Variants in ASIC2 observed in about 807,000 individuals in gnomAD.
ASIC2 encodes acid-sensing ion channel 2.
A neutral mutation model predicts 57.3 loss-of-function variants in ASIC2; 25 were observed. That is an observed-to-expected ratio of 0.44 (90% CI 0.32 to 0.61). ASIC2 has a LOEUF of 0.61. ASIC2 is among the 20% of genes least tolerant of loss of function. ASIC2 has a pLI of 0.06. For synonymous variants in ASIC2, 319 were observed against 307.5 expected (o/e 1.04, Z -0.39); for missense variants, 641 against 738.1 (o/e 0.87, Z 1.52).
At chr17:33,749,110 C>T (rs1198764072) in intron 1 of ASIC2, among the ~76,000 whole-genome samples, 3 of 152,186 alleles carry the variant, frequency 2.0e-5, no homozygotes, top group Admixed American at 6.5e-5. Context: ...GGTGAAGCAG[C>T]ACCACCTAGG....
chr17:33,537,709 G>T (rs908041499), intron 1 of ASIC2, among the ~76,000 whole-genome samples: 1 of 152,214 alleles, frequency 6.6e-6, no homozygotes, highest in Non-Finnish European at 1.5e-5. Context: ...TGGAAAGTTG[G>T]ATGGGCTGAC....
chr17:33,601,065 A>T (rs1027066664), intron 1 of ASIC2, among the ~76,000 whole-genome samples: 5 of 152,214 alleles, frequency 3.3e-5, no homozygotes, highest in African/African-American at 1.2e-4. Flanking sequence ...CTTACAGTAA[A>T]ATGAGAGAAG....
chr17:34,125,812 G>A (rs549877767), intron 1 of ASIC2, among the ~76,000 whole-genome samples: 1 of 152,318 alleles, frequency 6.6e-6, no homozygotes, highest in Admixed American at 6.5e-5. Context: ...GACATGGTTT[G>A]CGGGTGAGCT....
At chr17:33,905,658 G>T (rs916263198) in intron 1 of ASIC2, among the ~76,000 whole-genome samples, 1 of 152,216 alleles carries the variant, frequency 6.6e-6, no homozygotes, top group Non-Finnish European at 1.5e-5. Flanking sequence ...ATTATCTGCA[G>T]TTGTAAACAG....
intron 1 of ASIC2, among the ~76,000 whole-genome samples, chr17:33,491,555 T>G (rs1054190863): frequency 1.3e-5 from 2 of 152,234 alleles, no homozygotes; most frequent in African/African-American, 4.8e-5. Flanking sequence ...CCAGTGAGTT[T>G]CCTTAATTGC....
At chr17:33,239,257 CTCCAGCCTGGGCAACAGAGTGAGACT>C (rs1432664409) in intron 1 of ASIC2, among the ~76,000 whole-genome samples, 27 of 152,106 alleles carry the variant, frequency 1.8e-4, no homozygotes, top group African/African-American at 6.5e-4. Context: ...CACCACTGCA[CTCCAGCCTGGGCAACAGAGTGAGACT>C]CCGTCTCAAA....
At chr17:33,589,221 A>ACAT (rs1846589681) in intron 1 of ASIC2, among the ~76,000 whole-genome samples, 2 of 152,224 alleles carry the variant, frequency 1.3e-5, no homozygotes, top group South Asian at 2.1e-4. Flanking sequence ...ACAGTTGAGA[A>ACAT]CATTAACAGC....
intron 1 of ASIC2, among the ~76,000 whole-genome samples, chr17:33,407,538 C>T (rs1168329023): frequency 6.6e-5 from 10 of 152,116 alleles, no homozygotes; most frequent in Admixed American, 4.6e-4. Flanking sequence ...CAAGTATGGG[C>T]CTAATTCTCT....
chr17:33,926,265 C>T (rs776789151), intron 1 of ASIC2, among the ~76,000 whole-genome samples: 30 of 152,240 alleles, frequency 2.0e-4, no homozygotes, highest in African/African-American at 7.2e-4. Flanking sequence ...TTCACTTAAT[C>T]CTCACAAAAA....
In ASIC2 at chr17:33,497,267, C is replaced by T. The variant is rs540240680; in HGVS notation, c.556-385200G>A. On this transcript the variant is annotated intron_variant, in intron 1 of 9. Coordinates refer to the ASIC2 transcript ENST00000359872. Reference sequence around the variant, plus strand: ...GGTCAAACCTTCTTGTTCTAGGTCACGAATCCAAGAAAGCCCTTACCTCCC... The same window carrying T: ...GGTCAAACCTTCTTGTTCTAGGTCATGAATCCAAGAAAGCCCTTACCTCCC... 2.8e-4 allele frequency among the ~76,000 whole-genome samples: 43 copies of T among 152,300 alleles called. 2 individuals are homozygous for T. The East Asian group carries it at 3.3e-3, about 12-fold the overall frequency.
At chr17:33,379,981 C>T (rs944935160) in intron 1 of ASIC2, among the ~76,000 whole-genome samples, 6 of 152,126 alleles carry the variant, frequency 3.9e-5, no homozygotes, top group East Asian at 1.9e-4. Context: ...CACGGAGGCT[C>T]ATGCCTCTAA....
intron 1 of ASIC2, among the ~76,000 whole-genome samples, chr17:34,097,073 G>A (rs1910574656): frequency 6.6e-6 from 1 of 152,018 alleles, no homozygotes; most frequent in African/African-American, 2.4e-5. Flanking sequence ...GCACACAGAG[G>A]AAGGACTTTA....
chr17:33,981,966 A>G (rs1241644969), intron 1 of ASIC2, among the ~76,000 whole-genome samples: 1 of 152,182 alleles, frequency 6.6e-6, no homozygotes, highest in Non-Finnish European at 1.5e-5. Context: ...GAGAATTGGC[A>G]CCAACCGGAA....
chr17:34,026,938 C>T (rs1445048268), intron 1 of ASIC2, among the ~76,000 whole-genome samples: 1 of 152,110 alleles, frequency 6.6e-6, no homozygotes, highest in Non-Finnish European at 1.5e-5. Context: ...GATTTTTTCT[C>T]ATAAAATCAA....
In ASIC2 at chr17:33,301,551, G is replaced by A. The variant is rs78860706; in HGVS notation, c.556-189484C>T. 8.1e-4 allele frequency among the ~76,000 whole-genome samples: 124 copies of A among 152,266 alleles called. 2 individuals are homozygous for A. Among genetic ancestry groups the A allele is most frequent in the African/African-American group, 3.0e-3 (123 of 41,538 alleles). On this transcript the variant is annotated intron_variant, in intron 1 of 9. Transcript: ENST00000359872. ...GTAATGACTATAGTGGTTATTTATTGAGCAGTTAATGGATGTTGGGCACTG... is the reference window on the plus strand; with the variant it reads ...GTAATGACTATAGTGGTTATTTATTAAGCAGTTAATGGATGTTGGGCACTG...
intron 1 of ASIC2, among the ~76,000 whole-genome samples, chr17:33,783,732 G>T (rs982834682): frequency 1.3e-5 from 2 of 152,180 alleles, no homozygotes; most frequent in Non-Finnish European, 2.9e-5. Context: ...GAATGAAGGG[G>T]AATGGACTTT....
chr17:33,689,498 C>G (rs889079948), intron 1 of ASIC2, among the ~76,000 whole-genome samples: 5 of 152,200 alleles, frequency 3.3e-5, no homozygotes, highest in African/African-American at 1.2e-4. Flanking sequence ...ATGTATCCCT[C>G]TTTCCTCTAT....
At chr17:33,783,242 C>A (rs1291247689) in intron 1 of ASIC2, among the ~76,000 whole-genome samples, 1 of 152,184 alleles carries the variant, frequency 6.6e-6, no homozygotes, top group Non-Finnish European at 1.5e-5. Context: ...ATCTCCTTCA[C>A]CGTTGTGGTT....
rs531706272 is a variant in ASIC2, at chr17:33,436,328, C to A, written c.556-324261G>T. Reference sequence around the variant, plus strand: ...TAGGTATAGTTTCTATAAACTCTTGCTGCTCAGGAGTTATGTGGCCAGAGG... The same window carrying A: ...TAGGTATAGTTTCTATAAACTCTTGATGCTCAGGAGTTATGTGGCCAGAGG... On this transcript the variant is annotated intron_variant, in intron 1 of 9. Transcript: ENST00000359872. 4.6e-5 allele frequency among the ~76,000 whole-genome samples: 7 copies of A among 152,334 alleles called. 1 individual carries two copies. The East Asian group carries it at 1.2e-3, about 25-fold the overall frequency.
Sources: allele counts gnomAD v4.1 joint callset (sites outside exome capture counted in the v4.1 genomes callset), GRCh38; gene constraint gnomAD v4.1.1; transcripts MANE v1.5; gene names NCBI Gene and HGNC (gene_info 2026-07-23, HGNC 2026-07-21).